The following ATCAY variants were observed in gnomAD, a reference collection of about 807,000 sequenced individuals.
The protein encoded by ATCAY is ATCAY kinesin light chain interacting caytaxin.
ATCAY carries 22 observed loss-of-function variants against 47.7 expected under a neutral mutation model. That is an observed-to-expected ratio of 0.46 (90% CI 0.33 to 0.66). The LOEUF is 0.66. Ranked by LOEUF, ATCAY falls within the 30% of genes least tolerant of loss-of-function variation. ATCAY has a pLI of 0.02. For missense variants in ATCAY, 452 were observed against 515.0 expected, an observed-to-expected ratio of 0.88 and a Z score of 1.18; for synonymous variants, 216 against 207.6, an observed-to-expected ratio of 1.04 and a Z score of -0.35.
At chr19:3,885,940 C>T in intron 2 of ATCAY, 96 bp downstream of exon 2, 1 of 1,258,912 alleles carries the variant, frequency 7.9e-7, no homozygotes, top group Non-Finnish European at 1.1e-6. Flanking sequence ...TAAGTGGGAA[C>T]CGCCCGGGGC....
At chr19:3,908,399 C>G in intron 6 of ATCAY, 29 bp downstream of exon 6, 2 of 1,543,066 alleles carry the variant, frequency 1.3e-6, no homozygotes, top group East Asian at 2.4e-5. Context: ...CGAGCAGCCT[C>G]GGGCCAGCTC....
At chr19:3,920,590 A>C (rs1599149031) in intron 11 of ATCAY, 176 bp from the exon 12 acceptor site, 2 of 306,184 alleles carry the variant, frequency 6.5e-6, no homozygotes, top group East Asian at 1.4e-4. Flanking sequence ...TGATCCACCC[A>C]CCTCAGCCTC....
intron 8 of ATCAY, 73 bp downstream of exon 8, chr19:3,910,962 T>C (rs750740894): frequency 1.4e-6 from 2 of 1,470,784 alleles, no homozygotes; most frequent in Non-Finnish European, 1.9e-6. Context: ...TGCATGCATT[T>C]GTGTGTGCAT....
chr19:3,890,454 G>A (rs1245444553), intron 2 of ATCAY, among the ~76,000 whole-genome samples: 2 of 150,950 alleles, frequency 1.3e-5, no homozygotes, highest in Admixed American at 6.6e-5. Flanking sequence ...GTAGAGACGG[G>A]GTTTCACCAT....
intron 2 of ATCAY, among the ~76,000 whole-genome samples, chr19:3,897,059 A>G (rs114716707): frequency 0.012 from 1,834 of 151,960 alleles, 41 homozygotes; most frequent in African/African-American, 0.042. Context: ...TTACTGAGGC[A>G]TGAGCCACCA....
intron 11 of ATCAY, among the ~76,000 whole-genome samples, chr19:3,919,643 G>C (rs1191964994): frequency 1.3e-5 from 2 of 151,636 alleles, no homozygotes; most frequent in African/African-American, 4.8e-5. Flanking sequence ...TACACCTCTA[G>C]TCCAGCTACT....
At chr19:3,882,561 G>C (rs2038611554) in intron 1 of ATCAY, among the ~76,000 whole-genome samples, 1 of 149,634 alleles carries the variant, frequency 6.7e-6, no homozygotes, top group African/African-American at 2.5e-5. Context: ...GACCTTCCAG[G>C]CTCAAGCGAT....
chr19:3,903,656 T>TG (rs1477108357), intron 3 of ATCAY, among the ~76,000 whole-genome samples: 3 of 151,860 alleles, frequency 2.0e-5, no homozygotes, highest in Non-Finnish European at 4.4e-5. Flanking sequence ...CCTGAGTAGC[T>TG]GGGACTACAG....
chr19:3,896,830 G>C (rs62133661), intron 2 of ATCAY, among the ~76,000 whole-genome samples: 18,562 of 151,928 alleles, frequency 0.12, 1,435 homozygotes, highest in Admixed American at 0.21. Context: ...AGGCTGGAGT[G>C]CAGTGTCACG....
chr19:3,890,852 C>A (rs912798551), intron 2 of ATCAY, among the ~76,000 whole-genome samples: 1 of 152,186 alleles, frequency 6.6e-6, no homozygotes, highest in African/African-American at 2.4e-5. Context: ...CTGTCTTCCT[C>A]GTCTCTGGAA....
At chr19:3,894,529 TG>T (rs2038747964) in intron 2 of ATCAY, among the ~76,000 whole-genome samples, 1 of 145,278 alleles carries the variant, frequency 6.9e-6, no homozygotes, top group African/African-American at 2.6e-5. Context: ...TAGTGTGTGC[TG>T]GTAGTCCCAG....
chr19:3,918,707 A>G, intron 10 of ATCAY, 99 bp from the exon 11 acceptor site: 2 of 1,287,338 alleles, frequency 1.6e-6, no homozygotes, highest in South Asian at 2.6e-5. Context: ...AACAGGTCCC[A>G]GGGGACAGGA....
intron 12 of ATCAY, among the ~76,000 whole-genome samples, chr19:3,923,537 G>C (rs977553266): frequency 6.6e-6 from 1 of 151,772 alleles, no homozygotes; most frequent in Admixed American, 6.6e-5. Flanking sequence ...ATAGATGGAT[G>C]ATAGGTGGAT....
chr19:3,913,733 C>T, intron 8 of ATCAY, 25 bp from the exon 9 acceptor site: 8 of 1,600,382 alleles, frequency 5.0e-6, no homozygotes, highest in African/African-American at 1.3e-5. Flanking sequence ...CATTTCAGAC[C>T]TCTCCCTCCT....
In ATCAY at chr19:3,907,616, C is replaced by A; in HGVS notation, c.359-118C>A. 1 of 1,258,756 alleles carries A rather than the reference C, an allele frequency of 7.9e-7. No homozygotes were observed. Among genetic ancestry groups the A allele is most frequent in the South Asian group, 1.4e-5 (1 of 72,376 alleles). The allele number at this position is 1,258,756 out of a possible 1,614,324, so 78.0% of individuals were successfully genotyped here. A position where few individuals can be genotyped will look rare whatever the true frequency, so the allele number is the denominator to read the frequency against. Reference sequence around the variant, plus strand: ...AGCAGGGCAGCCAGGTGGGGAGAAGCGAAGGACTTGTGGGTCCCGGCAGCG... The same window carrying A: ...AGCAGGGCAGCCAGGTGGGGAGAAGAGAAGGACTTGTGGGTCCCGGCAGCG... On this transcript the variant is annotated intron_variant, in intron 4 of 12. Coordinates refer to ENST00000450849, the MANE Select transcript of ATCAY (RefSeq NM_033064.5). This position sits in a 1 kb window ranked among gnomAD's most constrained non-coding sequence, Gnocchi z 5.1.
intron 7 of ATCAY, 94 bp from the exon 8 acceptor site, chr19:3,910,709 A>C: frequency 7.9e-7 from 1 of 1,266,526 alleles, no homozygotes; most frequent in Non-Finnish European, 1.1e-6. Flanking sequence ...CAGAGTGACG[A>C]ATGCTTGCTT....
At position 3,917,771 on chromosome 19, in the gene ATCAY, G is replaced by C; in HGVS notation, c.995G>C (p.Arg332Thr). The C allele has an allele frequency of 6.2e-7, 1 of 1,613,206 alleles. No individual in the cohort carries two copies. The highest frequency in any genetic ancestry group is 8.5e-7 in the Non-Finnish European group (1 of 1,179,684). Residue 332 changes from arginine to threonine, a missense_variant, in exon 10 of 13, where the codon AGG becomes ACG. Physicochemically the swap from Arg to Thr is moderately conservative, Grantham distance 71. Coordinates refer to ENST00000450849, the MANE Select transcript of ATCAY (RefSeq NM_033064.5). ...QYEEERLKARRESARPQPEFV... is the reference protein window; with the variant it reads ...QYEEERLKARTESARPQPEFV... ...GAAGAGGAAAGACTGAAGGCCAGGA[G>C]GGAGAGGTGTGTGCAGAGTGGTTTC... is the stretch of plus-strand genomic sequence containing the variant.
At chr19:3,888,497 G>A (rs10410543) in intron 2 of ATCAY, among the ~76,000 whole-genome samples, 23,564 of 151,866 alleles carry the variant, frequency 0.16, 1,924 homozygotes, top group Admixed American at 0.23. Context: ...GGGCGTGGTG[G>A]TGGGCACCTG....
At chr19:3,900,756 G>A (rs1013493714) in intron 2 of ATCAY, among the ~76,000 whole-genome samples, 2 of 151,880 alleles carry the variant, frequency 1.3e-5, no homozygotes, top group Non-Finnish European at 2.9e-5. Flanking sequence ...GGCTGGTCTC[G>A]AATTCCTGAG....
Sources: gnomAD v4.1 joint callset for allele counts (sites outside exome capture counted in the v4.1 genomes callset) on GRCh38, gnomAD v4.1.1 for gene constraint, Gnocchi (gnomAD v3.1) non-coding constraint, MANE v1.5 for transcripts, NCBI Gene and HGNC (gene_info 2026-07-23, HGNC 2026-07-21) for gene names.